Variants in SH3PXD2A observed in about 807,000 individuals in gnomAD.
The protein encoded by SH3PXD2A is SH3 and PX domain-containing protein 2A.
Under a neutral mutation model 115.2 loss-of-function variants are expected in SH3PXD2A, and 32 were observed. The ratio of observed to expected loss-of-function variants is 0.28; its 90% CI spans 0.21 to 0.37. The LOEUF (loss-of-function observed/expected upper bound fraction) is 0.37. Among genes scored for constraint, SH3PXD2A ranks in the 10% least tolerant of loss-of-function variants. The probability of loss-of-function intolerance (pLI) is 1.00; values close to 1 mark genes in which losing one functional copy is unlikely to be tolerated. For synonymous variants in SH3PXD2A, 610 were observed against 629.1 expected (o/e 0.97, Z 0.45); for missense variants, 1,328 against 1,498.7 (o/e 0.89, Z 1.88).
intron 2 of SH3PXD2A, among the ~76,000 whole-genome samples, chr10:103,777,507 C>T (rs769532043): frequency 9.9e-5 from 15 of 152,244 alleles, no homozygotes; most frequent in African/African-American, 2.4e-4. Flanking sequence ...CTGGCCAGGA[C>T]GTGACATTTA....
At chr10:103,738,913 G>C (rs1554917693) in intron 3 of SH3PXD2A, among the ~76,000 whole-genome samples, 1 of 151,774 alleles carries the variant, frequency 6.6e-6, no homozygotes, top group Non-Finnish European at 1.5e-5. Context: ...TCCTACTTCA[G>C]CCTCCCGAGT....
chr10:103,710,625 G>C (rs139731901), intron 5 of SH3PXD2A, among the ~76,000 whole-genome samples: 14 of 152,248 alleles, frequency 9.2e-5, no homozygotes, highest in Admixed American at 2.0e-4. Flanking sequence ...GTAATGTCCC[G>C]GCCCTCAGGG....
At chr10:103,610,818 G>A (rs577187622) in intron 13 of SH3PXD2A, among the ~76,000 whole-genome samples, 1 of 152,360 alleles carries the variant, frequency 6.6e-6, no homozygotes, top group Non-Finnish European at 1.5e-5. Context: ...TAAGGGCACT[G>A]AAGCTTGTAG....
intron 10 of SH3PXD2A, among the ~76,000 whole-genome samples, chr10:103,621,848 C>T (rs1332721278): frequency 6.6e-6 from 1 of 152,238 alleles, no homozygotes; most frequent in Non-Finnish European, 1.5e-5. Flanking sequence ...TGGATCAGGC[C>T]CCTCCTGAAG....
chr10:103,750,413 C>T (rs1159700791), intron 3 of SH3PXD2A, among the ~76,000 whole-genome samples: 1 of 152,188 alleles, frequency 6.6e-6, no homozygotes, highest in African/African-American at 2.4e-5. Context: ...GTAACTACTA[C>T]AAGGCCTAGC....
chr10:103,632,849 C>T (rs2036801393), intron 8 of SH3PXD2A, among the ~76,000 whole-genome samples: 1 of 30,846 alleles, frequency 3.2e-5, no homozygotes, highest in East Asian at 0.071. Context: ...TGATGTGTGC[C>T]TGTAGTCCCA....
intron 6 of SH3PXD2A, among the ~76,000 whole-genome samples, chr10:103,685,830 C>T (rs12413931): frequency 0.11 from 17,044 of 152,244 alleles, 1,167 homozygotes; most frequent in South Asian, 0.21. Context: ...TTTAACTCAA[C>T]GGAATACTCA....
At chr10:103,826,239 T>C (rs1482388958) in intron 1 of SH3PXD2A, among the ~76,000 whole-genome samples, 2 of 152,124 alleles carry the variant, frequency 1.3e-5, no homozygotes, top group Non-Finnish European at 2.9e-5. Flanking sequence ...CAGGTCACCA[T>C]GTGTTGGGCT....
chr10:103,795,951 G>GAAGGAAGGAAGA (rs1554924446), intron 2 of SH3PXD2A, among the ~76,000 whole-genome samples: 1 of 148,294 alleles, frequency 6.7e-6, no homozygotes, highest in African/African-American at 2.5e-5. Flanking sequence ...AGGAAGGAAG[G>GAAGGAAGGAAGA]AAGGAAACCA....
rs1371099875 is a variant in SH3PXD2A at position 103,665,922 on chromosome 10, G to A, written c.472+2686C>T. ...GGCCTTTGCATGAGTCTGATCCAGA[G>A]ATGGACCCTTGTGCTTTATTACAGA... On this transcript the variant is annotated intron_variant, in intron 7 of 14. Coordinates refer to ENST00000369774, the MANE Select transcript of SH3PXD2A (RefSeq NM_001394015.1). The surrounding 1 kb of genome is among the most constrained non-coding windows in gnomAD (Gnocchi z 4.0). Among the ~76,000 whole-genome samples the A allele has an allele frequency of 1.3e-5, 2 of 152,156 alleles. No homozygotes were observed. The highest frequency in any genetic ancestry group is 2.4e-5 in the African/African-American group (1 of 41,444).
chr10:103,750,012 C>A (rs1431202278), intron 3 of SH3PXD2A: 1 of 73,990 alleles, frequency 1.4e-5, no homozygotes, highest in East Asian at 4.0e-4. Flanking sequence ...TTAAGCAGTT[C>A]TGAATTCCTG....
chr10:103,778,155 C>T (rs1201960629), intron 2 of SH3PXD2A, among the ~76,000 whole-genome samples: 3 of 152,048 alleles, frequency 2.0e-5, no homozygotes, highest in African/African-American at 7.2e-5. Flanking sequence ...TGGTGAAACC[C>T]CGTCTCTACT....
chr10:103,617,603 T>C (rs1262924857), intron 10 of SH3PXD2A, among the ~76,000 whole-genome samples: 2 of 152,176 alleles, frequency 1.3e-5, no homozygotes, highest in African/African-American at 4.8e-5. Flanking sequence ...AGCCTGATAA[T>C]GGCGGCCAGG....
chr10:103,675,516 G>C (rs1263386790), intron 6 of SH3PXD2A, among the ~76,000 whole-genome samples: 5 of 152,076 alleles, frequency 3.3e-5, no homozygotes, highest in Non-Finnish European at 7.3e-5. Context: ...TGGCTTCTTG[G>C]TGGTACCCCC....
At chr10:103,838,152 G>C (rs962070201) in intron 1 of SH3PXD2A, among the ~76,000 whole-genome samples, 5 of 152,190 alleles carry the variant, frequency 3.3e-5, no homozygotes, top group African/African-American at 1.2e-4. Flanking sequence ...ACATGCCACA[G>C]GTTCCATCCA....
At position 103,711,336 on chromosome 10, in the gene SH3PXD2A, T is replaced by C. The variant is rs142109172; in HGVS notation, c.398+12934A>G. On this transcript the variant is annotated intron_variant, in intron 5 of 14. Transcript: ENST00000369774. ...CTGTTGCCTGCACCTACTGGCCTTC[T>C]AAGAAGTTTGGGGGGAAGTAAGCAT... Among the ~76,000 whole-genome samples the C allele has an allele frequency of 7.7e-3, 1,174 of 152,340 alleles. 8 individuals are homozygous for C. Among genetic ancestry groups the C allele is most frequent in the Middle Eastern group, 0.014 (4 of 294 alleles).
At chr10:103,668,007 T>C (rs1358754112) in intron 7 of SH3PXD2A, among the ~76,000 whole-genome samples, 1 of 152,180 alleles carries the variant, frequency 6.6e-6, no homozygotes, top group Non-Finnish European at 1.5e-5. Flanking sequence ...AAGCTCTGGA[T>C]TGCTGGGCAT....
chr10:103,743,036 A>G (rs2038461506), intron 3 of SH3PXD2A, among the ~76,000 whole-genome samples: 2 of 151,418 alleles, frequency 1.3e-5, no homozygotes, highest in Admixed American at 6.6e-5. Flanking sequence ...TAAGTTTCCT[A>G]CTCCCACAGC....
intron 3 of SH3PXD2A, among the ~76,000 whole-genome samples, chr10:103,762,736 G>A (rs543308248): frequency 6.6e-6 from 1 of 152,304 alleles, no homozygotes; most frequent in African/African-American, 2.4e-5. Context: ...CAGAAAGCAG[G>A]TTCTAGCCCT....
Sources: gnomAD v4.1 joint callset for allele counts (sites outside exome capture counted in the v4.1 genomes callset) on GRCh38, gnomAD v4.1.1 for gene constraint, Gnocchi (gnomAD v3.1) non-coding constraint, MANE v1.5 for transcripts, NCBI Gene and HGNC (gene_info 2026-07-23, HGNC 2026-07-21) for gene names.